SAMD5: variants seen among roughly 807,000 people sequenced by gnomAD.
The protein encoded by SAMD5 is sterile alpha motif domain containing 5, also known as sterile alpha motif domain-containing protein 5.
In SAMD5, 13 loss-of-function variants were observed where a neutral mutation model predicts 11.3. The ratio of observed to expected loss-of-function variants is 1.15; its 90% confidence interval spans 0.75 to 1.83. The LOEUF (loss-of-function observed/expected upper bound fraction) is 1.83, where lower values mean the gene tolerates loss of function less well. Among genes scored for constraint, SAMD5 ranks in the 40% most tolerant of loss-of-function variants. SAMD5 has a pLI of 0.00. For synonymous variants in SAMD5, 129 were observed against 111.3 expected (o/e 1.16, Z -1.00); for missense variants, 255 against 239.1 (o/e 1.07, Z -0.44).
the SAMD5 span, among the ~76,000 whole-genome samples, chr6:147,910,263 C>T: frequency 6.6e-6 from 1 of 152,018 alleles, no homozygotes; most frequent in Admixed American, 6.5e-5. Context: ...CTACCCACCC[C>T]CAGGCCACCC....
At chr6:147,590,027 A>C (rs958320498) in intron 1 of SAMD5, among the ~76,000 whole-genome samples, 6 of 152,224 alleles carry the variant, frequency 3.9e-5, no homozygotes, top group Admixed American at 3.9e-4. Flanking sequence ...CAGGGCTGCC[A>C]AATTGCAGTT....
rs868597254 is a variant in SAMD5, at chr6:147,540,939, T to G, written c.460-23455T>G. ...TGTGGGGTTCAAGCCACGCGTTTTT[T>G]TTTTTTTTTTTTTTTTTTTTTGAGA... On this transcript the variant is annotated intron_variant, in intron 1 of 1. Coordinates refer to ENST00000367474, the MANE Select transcript of SAMD5 (RefSeq NM_001030060.3). 1.9e-3 allele frequency among the ~76,000 whole-genome samples: 229 copies of G among 122,226 alleles called. 1 individual carries two copies. The highest frequency in any genetic ancestry group is 5.5e-3 in the African/African-American group (150 of 27,128). 80.2% of individuals were successfully genotyped at this position (122,226 alleles called of 152,430 possible). A position where few individuals can be genotyped will look rare whatever the true frequency, so the allele number is the denominator to read the frequency against.
At chr6:147,831,343 A>G in the SAMD5 span, among the ~76,000 whole-genome samples, 2 of 152,226 alleles carry the variant, frequency 1.3e-5, no homozygotes, top group Non-Finnish European at 2.9e-5. Flanking sequence ...ATTTGAGCAT[A>G]TGTGAATGGT....
chr6:147,889,036 A>T, the SAMD5 span, among the ~76,000 whole-genome samples: 1 of 152,162 alleles, frequency 6.6e-6, no homozygotes, highest in East Asian at 1.9e-4. Flanking sequence ...TCAAATTTGG[A>T]AAGGTTTTGG....
chr6:147,580,601 A>G (rs1295462907), intron 1 of SAMD5, among the ~76,000 whole-genome samples: 2 of 152,254 alleles, frequency 1.3e-5, no homozygotes, highest in African/African-American at 4.8e-5. Flanking sequence ...TGTGCAATGT[A>G]GCTAGTGTGA....
chr6:147,566,773 C>A lies in SAMD5; in HGVS notation c.*2317C>A. ...CTAGAGGAAGAAAACTTCAAATAAG[C>A]AAAGAAGTATTGAAGGATGCCCACG... On this transcript the variant is annotated 3_prime_UTR_variant, in exon 2 of 2. Transcript: ENST00000367474. 1.0e-6 allele frequency: 1 copy of A among 983,870 alleles called. No individual in the cohort carries two copies. The highest frequency in any genetic ancestry group is 1.2e-6 in the Non-Finnish European group (1 of 828,684). 60.9% of individuals were successfully genotyped at this position (983,870 alleles called of 1,614,324 possible). A position where few individuals can be genotyped will look rare whatever the true frequency, so the allele number is the denominator to read the frequency against.
At chr6:147,750,677 C>A in the SAMD5 span, among the ~76,000 whole-genome samples, 20 of 152,220 alleles carry the variant, frequency 1.3e-4, no homozygotes, top group Non-Finnish European at 2.5e-4. Context: ...GTAATCCCAG[C>A]ACTTTGGGAG....
chr6:147,896,980 G>A, the SAMD5 span, among the ~76,000 whole-genome samples: 1 of 152,090 alleles, frequency 6.6e-6, no homozygotes, highest in Admixed American at 6.5e-5. Flanking sequence ...ATCTGTAGAG[G>A]CAAAAAGTAC....
the SAMD5 span, among the ~76,000 whole-genome samples, chr6:147,828,740 C>T: frequency 1.3e-5 from 2 of 152,190 alleles, no homozygotes; most frequent in Admixed American, 6.5e-5. Flanking sequence ...TTTATATGTA[C>T]GTCTGTCCTA....
At chr6:147,788,945 G>C in the SAMD5 span, among the ~76,000 whole-genome samples, 1 of 151,898 alleles carries the variant, frequency 6.6e-6, no homozygotes, top group African/African-American at 2.4e-5. Context: ...TTAGCCGGGC[G>C]TAGTGGCAGG....
At chr6:147,944,079 C>T in the SAMD5 span, among the ~76,000 whole-genome samples, 2 of 152,116 alleles carry the variant, frequency 1.3e-5, no homozygotes, top group Non-Finnish European at 2.9e-5. Context: ...GCCAGATCTT[C>T]CATAGACTGT....
chr6:147,663,828 A>T lies in SAMD5; in HGVS notation c.163-73489A>T, dbSNP rs13215293. Among the ~76,000 whole-genome samples the T allele has an allele frequency of 7.5e-3, 1,110 of 148,692 alleles. 11 individuals are homozygous for T. The highest frequency in any genetic ancestry group is 0.026 in the African/African-American group (1,058 of 40,890). On this transcript the variant is annotated intron_variant, in intron 1 of 1. Transcript: ENST00000566741. The stretch of plus-strand genomic sequence containing the variant: ...AAAAAAAAAAGAGAGAGAAAGAAAA[A>T]GCCTTATCATCTGATTAAAAAAAAA...
the SAMD5 span, among the ~76,000 whole-genome samples, chr6:147,763,705 C>G: frequency 1.3e-5 from 2 of 152,004 alleles, no homozygotes; most frequent in African/African-American, 4.8e-5. Flanking sequence ...GCCTCAGCCT[C>G]CTGAGTAGCT....
At chr6:147,813,291 T>C in the SAMD5 span, among the ~76,000 whole-genome samples, 1 of 152,150 alleles carries the variant, frequency 6.6e-6, no homozygotes, top group African/African-American at 2.4e-5. Flanking sequence ...TTCAGTCTTC[T>C]CCAAAGTACC....
the SAMD5 span, among the ~76,000 whole-genome samples, chr6:147,901,574 T>G: frequency 6.6e-6 from 1 of 152,138 alleles, no homozygotes; most frequent in East Asian, 1.9e-4. Flanking sequence ...CATTTGGATG[T>G]GGCCATTTCT....
intron 1 of SAMD5, among the ~76,000 whole-genome samples, chr6:147,691,308 T>A (rs1479413314): frequency 1.3e-5 from 2 of 152,186 alleles, no homozygotes; most frequent in Non-Finnish European, 2.9e-5. Context: ...GTATCTATTA[T>A]TTAGAGAGAT....
At chr6:147,523,960 G>C (rs1320350233) in intron 1 of SAMD5, among the ~76,000 whole-genome samples, 1 of 152,160 alleles carries the variant, frequency 6.6e-6, no homozygotes, top group Non-Finnish European at 1.5e-5. Flanking sequence ...ATAGATTAGA[G>C]TTGAGCCAGG....
the SAMD5 span, among the ~76,000 whole-genome samples, chr6:147,867,613 G>A: frequency 6.6e-6 from 1 of 152,148 alleles, no homozygotes; most frequent in Non-Finnish European, 1.5e-5. Context: ...ATCAGCCGAG[G>A]CCAAGGGGTC....
chr6:147,803,025 G>C, the SAMD5 span, among the ~76,000 whole-genome samples: 1 of 152,144 alleles, frequency 6.6e-6, no homozygotes, highest in African/African-American at 2.4e-5. Context: ...ACATTTCACT[G>C]TATGTAAATC....
Sources: gnomAD v4.1 joint callset for allele counts (sites outside exome capture counted in the v4.1 genomes callset) on GRCh38, gnomAD v4.1.1 for gene constraint, MANE v1.5 for transcripts, NCBI Gene and HGNC (gene_info 2026-07-23, HGNC 2026-07-21) for gene names.